Variants in HMGCL observed in about 807,000 individuals in gnomAD.
HMGCL encodes the protein hydroxymethylglutaryl-CoA lyase, mitochondrial.
Under a neutral mutation model 37.3 loss-of-function variants are expected in HMGCL, and 26 were observed. The ratio of observed to expected loss-of-function variants is 0.70; its 90% CI spans 0.51 to 0.97. The LOEUF (loss-of-function observed/expected upper bound fraction) is 0.97. Ranked by LOEUF, HMGCL falls within the 50% of genes least tolerant of loss-of-function variation. The pLI, the probability that HMGCL is intolerant of heterozygous loss-of-function variation, is 0.00. For synonymous variants in HMGCL, 151 were observed against 148.0 expected (o/e 1.02, Z -0.15); for missense variants, 379 against 398.1 (o/e 0.95, Z 0.41).
At chr1:23,804,283 T>A (rs907938759) in intron 8 of HMGCL, 117 bp downstream of exon 8, 5 of 1,290,564 alleles carry the variant, frequency 3.9e-6, no homozygotes, top group Non-Finnish European at 5.5e-6. Context: ...GCTAACCCTT[T>A]CCCTCTTTAC....
intron 6 of HMGCL, chr1:23,809,234 ATATATT>A: frequency 1.4e-5 from 1 of 72,770 alleles, no homozygotes; most frequent in South Asian, 5.4e-4. Flanking sequence ...ATATATATAT[ATATATT>A]TTTTTTTTTT....
chr1:23,802,892 C>G (rs1638311604), intron 8 of HMGCL, among the ~76,000 whole-genome samples: 1 of 152,190 alleles, frequency 6.6e-6, no homozygotes, highest in Admixed American at 6.6e-5. Flanking sequence ...AACTGATATT[C>G]AAGTGACAAT....
chr1:23,819,519 G>A (rs879778918), intron 2 of HMGCL, among the ~76,000 whole-genome samples: 29 of 151,998 alleles, frequency 1.9e-4, no homozygotes, highest in Non-Finnish European at 3.2e-4. Flanking sequence ...ACCTGAGGTC[G>A]GGAGTTCAAG....
chr1:23,820,582 T>C lies in HMGCL; in HGVS notation c.72A>G (p.Ser24=), dbSNP rs2148425901. The C allele has an allele frequency of 5.0e-6, 8 of 1,613,768 alleles. No individual in the cohort carries two copies. Among genetic ancestry groups the C allele is most frequent in the Non-Finnish European group, 6.8e-6 (8 of 1,179,640 alleles). ...CCCGCTTTGGTAAAGTGCCCATAGA[T>C]GAGGTGCTGACCTTTGGTTTAAAAG... ...GLASLRAVST[S]SMGTLPKRVK... Residue 24 remains serine, a synonymous_variant, in exon 2 of 9, where the codon TCA becomes TCG. Transcript: ENST00000374490.
In HMGCL at chr1:23,816,750, G is replaced by A; in HGVS notation, c.273C>T (p.Val91=). The A allele has an allele frequency of 6.2e-7, 1 of 1,612,400 alleles. No homozygotes were observed. Among genetic ancestry groups the A allele is most frequent in the Non-Finnish European group, 8.5e-7 (1 of 1,178,406 alleles). ...WVPQMGDHTE[V]LKGIQKFPGI... ...CAGGAAACTTCTGAATGCCCTTCAAGACTTCAGTGTGGTCACCCATCTAGG... is the reference window on the plus strand; with the variant it reads ...CAGGAAACTTCTGAATGCCCTTCAAAACTTCAGTGTGGTCACCCATCTAGG... Residue 91 remains valine, a synonymous_variant, in exon 4 of 9, where the codon GTC becomes GTT. Coordinates refer to ENST00000374490, the MANE Select transcript of HMGCL (RefSeq NM_000191.3).
At position 23,825,390 on chromosome 1, in the gene HMGCL, G is replaced by T. The variant is rs1040895585; in HGVS notation, c.26C>A (p.Pro9Gln). The change falls in exon 1 of 9, where the codon CCG becomes CAG. Residue 9 changes from proline (P) to glutamine (Q), a missense_variant. By Grantham distance (76) the Pro-to-Gln change is moderately conservative. Coordinates refer to ENST00000374490, the MANE Select transcript of HMGCL (RefSeq NM_000191.3). ...GGACGCCAAGCCCACCAGTCGCCGCGGAAGCGCCTTCCTCATTGCTGCCAT... is the reference window on the plus strand; with the variant it reads ...GGACGCCAAGCCCACCAGTCGCCGCTGAAGCGCCTTCCTCATTGCTGCCAT... Reference protein sequence around the residue: MAAMRKALPRRLVGLASLR... With the variant: MAAMRKALQRRLVGLASLR... 3.2e-6 allele frequency: 5 copies of T among 1,561,316 alleles called. No homozygotes were observed. The highest frequency in any genetic ancestry group is 4.3e-6 in the Non-Finnish European group (5 of 1,153,412).
rs1638420087 is a variant in HMGCL at position 23,806,913 on chromosome 1, T to C, written c.750+1222A>G. On this transcript the variant is annotated intron_variant, in intron 7 of 8. Coordinates refer to ENST00000374490, the MANE Select transcript of HMGCL (RefSeq NM_000191.3). This position sits in a 1 kb window ranked among gnomAD's most constrained non-coding sequence, Gnocchi z 4.0. ...AACATGAGCTCCCAGAGGGCAGGGA[T>C]TGGGTCTTGTTACCATTGTCTAAGT... 1.9e-6 allele frequency: 1 copy of C among 515,056 alleles called. No homozygotes were observed. Among genetic ancestry groups the C allele is most frequent in the Non-Finnish European group, 3.9e-6 (1 of 258,002 alleles). 31.9% of individuals were successfully genotyped at this position (515,056 alleles called of 1,614,324 possible). A position where few individuals can be genotyped will look rare whatever the true frequency, so the allele number is the denominator to read the frequency against.
chr1:23,812,224 C>T (rs1054329882), intron 5 of HMGCL, among the ~76,000 whole-genome samples: 4 of 152,146 alleles, frequency 2.6e-5, no homozygotes, highest in Admixed American at 6.5e-5. Flanking sequence ...GAGGATGTCC[C>T]GACACCATGG....
chr1:23,808,555 G>A (rs1234170732), intron 6 of HMGCL, among the ~76,000 whole-genome samples: 1 of 152,160 alleles, frequency 6.6e-6, no homozygotes, highest in African/African-American at 2.4e-5. Context: ...CCACAGTCCT[G>A]AAGCTCCAAC....
At chr1:23,811,596 T>C (rs1638522063) in intron 5 of HMGCL, among the ~76,000 whole-genome samples, 1 of 152,092 alleles carries the variant, frequency 6.6e-6, no homozygotes. Flanking sequence ...GAGAAGAGCA[T>C]TCCAGGCAGA....
intron 6 of HMGCL, 39 bp from the exon 7 acceptor site, chr1:23,808,362 A>T: frequency 6.5e-7 from 1 of 1,548,188 alleles, no homozygotes. Context: ...TACAGAATCC[A>T]CCAGCCAGGG....
chr1:23,823,186 A>C (rs1638753603), intron 1 of HMGCL, among the ~76,000 whole-genome samples: 1 of 151,266 alleles, frequency 6.6e-6, no homozygotes, highest in Non-Finnish European at 1.5e-5. Context: ...TCTCAAAAAA[A>C]AAAAAAAAAA....
intron 6 of HMGCL, among the ~76,000 whole-genome samples, chr1:23,808,678 C>G (rs114059078): frequency 1.3e-5 from 2 of 151,640 alleles, no homozygotes; most frequent in South Asian, 4.2e-4. Flanking sequence ...CCTTCCATGT[C>G]GTTTTATCCT....
intron 5 of HMGCL, among the ~76,000 whole-genome samples, chr1:23,813,279 G>C (rs1362590144): frequency 2.3e-5 from 3 of 129,080 alleles, no homozygotes; most frequent in Non-Finnish European, 3.1e-5. Flanking sequence ...CTGTCACCCA[G>C]GCCGGAGTAC....
intron 5 of HMGCL, among the ~76,000 whole-genome samples, 170 bp from the exon 6 acceptor site, chr1:23,810,969 A>C (rs922121593): frequency 6.6e-6 from 1 of 152,134 alleles, no homozygotes; most frequent in African/African-American, 2.4e-5. Flanking sequence ...GGCAGTAGAG[A>C]GCAATGGCAG....
At chr1:23,814,759 T>C (rs1187981759) in intron 4 of HMGCL, among the ~76,000 whole-genome samples, 2 of 152,158 alleles carry the variant, frequency 1.3e-5, no homozygotes, top group African/African-American at 2.4e-5. Context: ...ATGGGTTGAA[T>C]TGTGTCCTCC....
At chr1:23,811,563 G>A (rs1046278785) in intron 5 of HMGCL, among the ~76,000 whole-genome samples, 1 of 152,180 alleles carries the variant, frequency 6.6e-6, no homozygotes, top group Non-Finnish European at 1.5e-5. Flanking sequence ...TGCTGGAGCC[G>A]AGAGGAGCCG....
intron 7 of HMGCL, 36 bp downstream of exon 7, chr1:23,808,099 T>C: frequency 3.8e-6 from 6 of 1,581,682 alleles, no homozygotes; most frequent in Non-Finnish European, 5.2e-6. Flanking sequence ...CTGCCCACCG[T>C]GACCTTTGGG....
At chr1:23,817,615 A>G (rs912489979) in intron 2 of HMGCL, 32 bp from the exon 3 acceptor site, 2 of 1,382,806 alleles carry the variant, frequency 1.4e-6, no homozygotes, top group South Asian at 2.3e-5. Context: ...CAAGGCAGCA[A>G]AGTTAGTAAC....
Sources: gnomAD v4.1 joint callset for allele counts (sites outside exome capture counted in the v4.1 genomes callset) on GRCh38, gnomAD v4.1.1 for gene constraint, Gnocchi (gnomAD v3.1) non-coding constraint, MANE v1.5 for transcripts, NCBI Gene and HGNC (gene_info 2026-07-23, HGNC 2026-07-21) for gene names.